ALDH5A1: variants seen among roughly 807,000 people sequenced by gnomAD.
The protein encoded by ALDH5A1 is succinate-semialdehyde dehydrogenase, mitochondrial.
ALDH5A1 carries 33 observed loss-of-function variants against 54.7 expected under a neutral mutation model. The observed-to-expected ratio is 0.60, with a 90% CI of 0.46 to 0.81. ALDH5A1 has a LOEUF of 0.81. ALDH5A1 is among the 30% of genes least tolerant of loss of function. The probability of loss-of-function intolerance (pLI) is 0.00; values close to 1 mark genes in which losing one functional copy is unlikely to be tolerated. For missense variants in ALDH5A1, 657 were observed against 711.0 expected, an observed-to-expected ratio of 0.92 and a Z score of 0.86; for synonymous variants, 294 against 292.7, an observed-to-expected ratio of 1.00 and a Z score of -0.05.
intron 4 of ALDH5A1, among the ~76,000 whole-genome samples, chr6:24,507,058 G>A (rs191963569): frequency 1.9e-4 from 29 of 152,188 alleles, no homozygotes; most frequent in Non-Finnish European, 1.0e-4. Flanking sequence ...TAGTTATACT[G>A]TATCTGTGTT....
intron 4 of ALDH5A1, 118 bp downstream of exon 4, chr6:24,505,103 G>A (rs1401538676): frequency 1.9e-6 from 2 of 1,043,912 alleles, no homozygotes; most frequent in African/African-American, 3.1e-5. Context: ...CTGATGCATG[G>A]TGTTGTGTAT....
intron 9 of ALDH5A1, 49 bp downstream of exon 9, chr6:24,532,226 C>A: frequency 6.3e-7 from 1 of 1,578,252 alleles, no homozygotes; most frequent in African/African-American, 1.3e-5. Flanking sequence ...TTTTCTCCAG[C>A]TCATGCCAGA....
At chr6:24,500,173 TTATG>T (rs1764792560) in intron 1 of ALDH5A1, among the ~76,000 whole-genome samples, 10 of 152,254 alleles carry the variant, frequency 6.6e-5, no homozygotes, top group Admixed American at 6.5e-4. Flanking sequence ...ATTTTTTAAA[TTATG>T]GCAAAATATG....
In ALDH5A1 at chr6:24,495,369, A is replaced by G. The variant is rs1052309706; in HGVS notation, c.354+19A>G. On this transcript the variant is annotated intron_variant, in intron 1 of 9. Transcript: ENST00000357578. ...CGCCAAGGTGAGAGAGCCCGGATGC[A>G]GGGGGCCAGAGCTGGCCGGGGACAC... 17 of 1,531,056 alleles carry G rather than the reference A, an allele frequency of 1.1e-5. No individual in the cohort carries two copies. The Admixed American group carries it at 2.8e-4, about 25-fold the overall frequency. The allele number at this position is 1,531,056 out of a possible 1,614,324, so 94.8% of individuals were successfully genotyped here. A position where few individuals can be genotyped will look rare whatever the true frequency, so the allele number is the denominator to read the frequency against.
At chr6:24,526,904 CTATA>C (rs4055010) in intron 7 of ALDH5A1, among the ~76,000 whole-genome samples, 11 of 121,992 alleles carry the variant, frequency 9.0e-5, no homozygotes, top group South Asian at 4.9e-4. Context: ...TATATATCTA[CTATA>C]TATATATTCT....
intron 4 of ALDH5A1, among the ~76,000 whole-genome samples, chr6:24,514,387 C>A (rs1043491698): frequency 6.6e-6 from 1 of 152,154 alleles, no homozygotes; most frequent in African/African-American, 2.4e-5. Context: ...TTTCTCAGGG[C>A]AGAAATTCAG....
At chr6:24,510,708 T>A (rs1267197833) in intron 4 of ALDH5A1, among the ~76,000 whole-genome samples, 2 of 152,156 alleles carry the variant, frequency 1.3e-5, no homozygotes, top group African/African-American at 2.4e-5. Flanking sequence ...ATGTATTAGG[T>A]GGGTCTCTTA....
At chr6:24,527,337 G>T (rs1759834044) in intron 7 of ALDH5A1, among the ~76,000 whole-genome samples, 1 of 152,084 alleles carries the variant, frequency 6.6e-6, no homozygotes, top group African/African-American at 2.4e-5. Flanking sequence ...ACTTTGGGAG[G>T]CCAAGGCGGG....
intron 7 of ALDH5A1, among the ~76,000 whole-genome samples, chr6:24,527,766 T>C (rs181323587): frequency 6.6e-6 from 1 of 152,126 alleles, no homozygotes; most frequent in East Asian, 1.9e-4. Flanking sequence ...ATTCAACAAA[T>C]AGGAAGATCA....
chr6:24,520,290 A>C, intron 5 of ALDH5A1, 111 bp from the exon 6 acceptor site: 1 of 1,207,560 alleles, frequency 8.3e-7, no homozygotes, highest in Admixed American at 1.7e-5. Flanking sequence ...TATCCCATGT[A>C]CACCACTGTG....
intron 3 of ALDH5A1, among the ~76,000 whole-genome samples, 178 bp downstream of exon 3, chr6:24,503,611 G>C (rs1759255195): frequency 6.6e-6 from 1 of 152,160 alleles, no homozygotes; most frequent in Admixed American, 6.5e-5. Flanking sequence ...GATGATGTTA[G>C]GTGTGGTGGC....
chr6:24,499,140 C>A (rs1764770586), intron 1 of ALDH5A1, among the ~76,000 whole-genome samples: 1 of 151,140 alleles, frequency 6.6e-6, no homozygotes, highest in South Asian at 2.1e-4. Context: ...AAAAATTAGC[C>A]AGGCATTGTG....
chr6:24,533,737 T>G lies in ALDH5A1; in HGVS notation c.*25T>G. The G allele has an allele frequency of 6.2e-7, 1 of 1,603,252 alleles. No homozygotes were observed. Among genetic ancestry groups the G allele is most frequent in the Non-Finnish European group, 8.5e-7 (1 of 1,170,800 alleles). ...GGATTCTTTGGTTCTTTAAAAAAAT[T>G]TAAAAGGAGACTTATCTACATATAT... On this transcript the variant is annotated 3_prime_UTR_variant, in exon 10 of 10. Coordinates refer to ENST00000357578, the MANE Select transcript of ALDH5A1 (RefSeq NM_001080.3).
rs1759986274 is a variant in ALDH5A1 at position 24,533,755 on chromosome 6, A to G, written c.*43A>G. 6.5e-7 allele frequency: 1 copy of G among 1,550,066 alleles called. No individual in the cohort carries two copies. The highest frequency in any genetic ancestry group is 8.9e-7 in the Non-Finnish European group (1 of 1,124,012). On this transcript the variant is annotated 3_prime_UTR_variant, in exon 10 of 10. Coordinates refer to ENST00000357578, the MANE Select transcript of ALDH5A1 (RefSeq NM_001080.3). ...AAAAAATTTAAAAGGAGACTTATCT[A>G]CATATATAGGTACATGCCATCCATT...
chr6:24,526,818 GA>G (rs1200844877), intron 7 of ALDH5A1, among the ~76,000 whole-genome samples: 5 of 130,180 alleles, frequency 3.8e-5, no homozygotes, highest in Non-Finnish European at 7.9e-5. Flanking sequence ...TAGGATGAAT[GA>G]AAAGGGAATA....
At chr6:24,510,871 GT>G (rs141000727) in intron 4 of ALDH5A1, among the ~76,000 whole-genome samples, 5,588 of 151,956 alleles carry the variant, frequency 0.037, 142 homozygotes, top group Non-Finnish European at 0.06. Flanking sequence ...ATACTTTTGG[GT>G]TTTGTTTTGT....
At chr6:24,523,528 G>T (rs116417499) in intron 7 of ALDH5A1, among the ~76,000 whole-genome samples, 2 of 152,134 alleles carry the variant, frequency 1.3e-5, no homozygotes, top group East Asian at 3.9e-4. Context: ...GTCCCCATGC[G>T]GTCTGTCACT....
chr6:24,503,520 C>T (rs1390371883), intron 3 of ALDH5A1, 87 bp downstream of exon 3: 2 of 1,502,054 alleles, frequency 1.3e-6, no homozygotes, highest in Admixed American at 1.8e-5. Context: ...AGCAGGTGTG[C>T]TCATCCTGTT....
intron 7 of ALDH5A1, among the ~76,000 whole-genome samples, chr6:24,524,894 G>T (rs967018503): frequency 6.6e-6 from 1 of 152,180 alleles, no homozygotes; most frequent in Non-Finnish European, 1.5e-5. Context: ...CTAGGCATTG[G>T]CATTTTCTAA....
Sources: allele counts gnomAD v4.1 joint callset (sites outside exome capture counted in the v4.1 genomes callset), GRCh38; gene constraint gnomAD v4.1.1; transcripts MANE v1.5; gene names NCBI Gene and HGNC (gene_info 2026-07-23, HGNC 2026-07-21).